Variants in ZNF140 observed in about 807,000 individuals in gnomAD.
ZNF140 encodes zinc finger protein 140.
A neutral mutation model predicts 12.9 loss-of-function variants in ZNF140; 13 were observed. The observed-to-expected ratio is 1.01, with a 90% confidence interval of 0.66 to 1.60. The LOEUF is 1.60. ZNF140 is among the 40% of genes most tolerant of loss of function. ZNF140 has a pLI of 0.00. For synonymous variants in ZNF140, 214 were observed against 186.7 expected, an observed-to-expected ratio of 1.15 and a Z score of -1.19; for missense variants, 531 against 548.8, an observed-to-expected ratio of 0.97 and a Z score of 0.32.
intron 4 of ZNF140, chr12:133,093,340 T>C: frequency 1.5e-6 from 1 of 666,864 alleles, no homozygotes; most frequent in South Asian, 1.6e-5. Flanking sequence ...TAGGGAGACT[T>C]ACCACCGTTG....
intron 4 of ZNF140, among the ~76,000 whole-genome samples, chr12:133,084,820 C>T (rs1252419956): frequency 2.6e-5 from 4 of 152,134 alleles, no homozygotes; most frequent in Non-Finnish European, 1.5e-5. Context: ...TGCGGAGTCC[C>T]TTAGGAGAAT....
intron 4 of ZNF140, among the ~76,000 whole-genome samples, chr12:133,102,323 A>AT (rs1189009144): frequency 6.6e-5 from 10 of 152,180 alleles, no homozygotes; most frequent in Admixed American, 6.5e-4. Flanking sequence ...TTGATCTTAA[A>AT]TAACATTGGT....
chr12:133,096,865 T>C (rs1321032378), intron 4 of ZNF140, among the ~76,000 whole-genome samples: 5 of 152,246 alleles, frequency 3.3e-5, no homozygotes, highest in East Asian at 3.8e-4. Flanking sequence ...TCTACTGATA[T>C]CAGTTGATTG....
At chr12:133,080,796 G>T (rs1175114142), upstream of ZNF140, 4 of 152,444 alleles carry the variant, frequency 2.6e-5, no homozygotes, top group Non-Finnish European at 5.9e-5. Flanking sequence ...TGCGCGCAGG[G>T]CCGCATTGGT....
intron 4 of ZNF140, among the ~76,000 whole-genome samples, chr12:133,105,232 T>C (rs892392466): frequency 5.3e-5 from 8 of 152,232 alleles, no homozygotes; most frequent in African/African-American, 1.9e-4. Flanking sequence ...TGAAGAAGAC[T>C]AGCAACCTAT....
chr12:133,090,845 C>A (rs952819760), intron 4 of ZNF140, among the ~76,000 whole-genome samples: 1,782 of 128,210 alleles, frequency 0.014, 88 homozygotes, highest in Middle Eastern at 0.037. Flanking sequence ...AGGTACTATG[C>A]CTAGATGTGC....
intron 1 of ZNF140, 92 bp from the exon 2 acceptor site, chr12:133,081,181 G>C (rs1954463238): frequency 2.4e-6 from 1 of 422,492 alleles, no homozygotes; most frequent in African/African-American, 2.1e-5. Flanking sequence ...GGCGCGGAGC[G>C]GGGGCCACGG....
intron 4 of ZNF140, among the ~76,000 whole-genome samples, chr12:133,100,129 G>C (rs1201469624): frequency 1.7e-5 from 2 of 114,412 alleles, no homozygotes; most frequent in East Asian, 5.3e-4. Context: ...TTCTGTTCAT[G>C]TCTTCCATCC....
intron 4 of ZNF140, among the ~76,000 whole-genome samples, chr12:133,086,864 A>G (rs942608336): frequency 1.6e-4 from 25 of 152,210 alleles, no homozygotes; most frequent in African/African-American, 6.0e-4. Flanking sequence ...AGATCCAGTT[A>G]TCATAGTACC....
intron 4 of ZNF140, among the ~76,000 whole-genome samples, chr12:133,097,805 C>T (rs1318935900): frequency 9.1e-6 from 1 of 109,896 alleles, no homozygotes. Context: ...ATGCATGAGG[C>T]ACCACATCTA....
chr12:133,104,433 C>T (rs1457998620), intron 4 of ZNF140, among the ~76,000 whole-genome samples: 2 of 151,226 alleles, frequency 1.3e-5, no homozygotes, highest in Non-Finnish European at 2.9e-5. Flanking sequence ...TTCACCGCAA[C>T]CTCTGCCTCC....
chr12:133,092,363 G>C lies in ZNF140; in HGVS notation c.232+8802G>C, dbSNP rs963514975. On this transcript the variant is annotated intron_variant, in intron 4 of 4. Transcript: ENST00000355557. ...CCAATCAAAAGTTGAATCAATGCAA[G>C]TAAACAATCTACAATTTTCACAGGT... Among the ~76,000 whole-genome samples the C allele has an allele frequency of 9.9e-5, 15 of 151,302 alleles. No individual in the cohort carries two copies. In the East Asian group the frequency reaches 2.9e-3, roughly 29 times the overall value.
intron 4 of ZNF140, among the ~76,000 whole-genome samples, chr12:133,091,039 G>A (rs976528466): frequency 8.7e-5 from 13 of 148,782 alleles, no homozygotes; most frequent in Non-Finnish European, 1.3e-4. Context: ...GCAGACAGGA[G>A]ACAGTGGCCT....
intron 4 of ZNF140, among the ~76,000 whole-genome samples, chr12:133,097,819 A>ATGTGTGTGTGTGTGGGTGTGTGTG (rs1955184664): frequency 7.0e-6 from 1 of 143,162 alleles, no homozygotes; most frequent in African/African-American, 2.6e-5. Context: ...ACATCTAACC[A>ATGTGTGTGTGTGTGGGTGTGTGTG]TGTGTGTGTG....
In ZNF140 at chr12:133,083,224, C is replaced by A; in HGVS notation, c.131C>A (p.Ser44Ter). 1 of 1,611,934 alleles carries A rather than the reference C, an allele frequency of 6.2e-7. No homozygotes were observed. The highest frequency in any genetic ancestry group is 1.1e-5 in the South Asian group (1 of 91,000). ...VMLENYGHLV[S>*]LGLSISKPDV... ...TTGGAGAACTATGGCCATCTGGTCT[C>A]ACTGGGTAAGTATTCTTCTTCATCT... Residue 44 changes from serine to a stop codon, truncating the protein, a stop_gained, in exon 3 of 5, where the codon TCA becomes TAA. Transcript: ENST00000355557. LOFTEE classifies it high-confidence loss of function.
intron 4 of ZNF140, among the ~76,000 whole-genome samples, chr12:133,104,395 AG>A (rs1181739458): frequency 6.7e-6 from 1 of 148,248 alleles, no homozygotes; most frequent in Non-Finnish European, 1.5e-5. Context: ...TCTGTCACCC[AG>A]GTTGGAGTGC....
rs201600822 is a variant in ZNF140 at position 133,105,241 on chromosome 12, A to G, written c.233-269A>G. 5.3e-5 allele frequency among the ~76,000 whole-genome samples: 8 copies of G among 152,186 alleles called. No individual in the cohort carries two copies. The South Asian group carries it at 8.3e-4, about 16-fold the overall frequency. ...TGGTGGTGAAGAAGACTAGCAACCT[A>G]TCCTTCACAAATATTTCCTGATAGC... On this transcript the variant is annotated intron_variant, in intron 4 of 4. Transcript: ENST00000355557.
intron 4 of ZNF140, among the ~76,000 whole-genome samples, chr12:133,086,949 C>T (rs1954696014): frequency 6.6e-6 from 1 of 152,166 alleles, no homozygotes; most frequent in Admixed American, 6.5e-5. Context: ...TTGTATGTTT[C>T]TAGGTTCTCA....
At chr12:133,096,077 T>C (rs1035555221) in intron 4 of ZNF140, among the ~76,000 whole-genome samples, 4 of 151,552 alleles carry the variant, frequency 2.6e-5, no homozygotes, top group Non-Finnish European at 5.9e-5. Context: ...TGGTCAGGTC[T>C]TTCTCATCCC....
Sources: allele counts gnomAD v4.1 joint callset (sites outside exome capture counted in the v4.1 genomes callset), GRCh38; gene constraint gnomAD v4.1.1; transcripts MANE v1.5; gene names NCBI Gene and HGNC (gene_info 2026-07-23, HGNC 2026-07-21).